Variants in MTOR observed in about 807,000 individuals in gnomAD.
The protein encoded by MTOR is mechanistic target of rapamycin kinase.
A neutral mutation model predicts 319.8 loss-of-function variants in MTOR; 70 were observed. That is an observed-to-expected ratio of 0.22 (90% CI 0.18 to 0.27). MTOR has a LOEUF of 0.27. MTOR is among the 10% of genes least tolerant of loss of function. The pLI is 1.00. For synonymous variants in MTOR, 1,183 were observed against 1,211.4 expected (o/e 0.98, Z 0.49); for missense variants, 1,890 against 3,274.4 (o/e 0.58, Z 10.32).
intron 28 of MTOR, among the ~76,000 whole-genome samples, chr1:11,186,857 G>A (rs551939971): frequency 6.6e-6 from 1 of 152,130 alleles, no homozygotes; most frequent in African/African-American, 2.4e-5. Flanking sequence ...AAACTGGAGG[G>A]GGGGTGAGTA....
At chr1:11,170,501 A>C (rs1278528423) in intron 28 of MTOR, among the ~76,000 whole-genome samples, 1 of 151,912 alleles carries the variant, frequency 6.6e-6, no homozygotes, top group Non-Finnish European at 1.5e-5. Context: ...GGATTGCTTG[A>C]GCTCAGGAGT....
chr1:11,205,842 A>G (rs1646120138), intron 25 of MTOR, among the ~76,000 whole-genome samples: 1 of 152,254 alleles, frequency 6.6e-6, no homozygotes, highest in African/African-American at 2.4e-5. Context: ...GGGGGAAATC[A>G]TGTAAGACAG....
chr1:11,220,061 G>GAAAAAAAAAAA (rs1214418546), intron 19 of MTOR, among the ~76,000 whole-genome samples: 1 of 21,704 alleles, frequency 4.6e-5, no homozygotes, highest in South Asian at 1.6e-3. Flanking sequence ...GAAAAGAAAA[G>GAAAAAAAAAAA]AAAGAAAAAA....
At chr1:11,192,777 C>G (rs1571124117) in intron 28 of MTOR, among the ~76,000 whole-genome samples, 1 of 145,730 alleles carries the variant, frequency 6.9e-6, no homozygotes, top group Admixed American at 6.9e-5. Flanking sequence ...AAGGAAAACT[C>G]AAACACAAGC....
rs1641614990 is a variant in MTOR at position 11,107,088 on chromosome 1, T to C, written c.*397A>G. 1.5e-6 allele frequency: 2 copies of C among 1,373,880 alleles called. No individual in the cohort carries two copies. The highest frequency in any genetic ancestry group is 1.2e-5 in the South Asian group (1 of 81,758). 85.1% of individuals were successfully genotyped at this position (1,373,880 alleles called of 1,614,324 possible). On this transcript the variant is annotated 3_prime_UTR_variant, in exon 58 of 58. Coordinates refer to ENST00000361445, the MANE Select transcript of MTOR (RefSeq NM_004958.4). The stretch of plus-strand genomic sequence containing the variant: ...TCTCCACGACCTGAGGCTTCTTGGC[T>C]GTGCTGAGTTTGCTGTACCCATGTT...
chr1:11,187,507 G>A (rs920056502), intron 28 of MTOR, among the ~76,000 whole-genome samples: 9 of 152,234 alleles, frequency 5.9e-5, no homozygotes, highest in East Asian at 1.9e-4. Context: ...GAGCTCAGGC[G>A]GTAATGCTCA....
At chr1:11,209,051 G>GCAACAA (rs1256838816) in intron 25 of MTOR, among the ~76,000 whole-genome samples, 1 of 152,190 alleles carries the variant, frequency 6.6e-6, no homozygotes, top group Non-Finnish European at 1.5e-5. Flanking sequence ...AAATGAGAAT[G>GCAACAA]TATTTGCAAC....
At chr1:11,132,848 T>A (rs1643225518) in intron 38 of MTOR, 1 of 491,262 alleles carries the variant, frequency 2.0e-6, no homozygotes, top group Admixed American at 3.6e-5. Context: ...CAACACCACA[T>A]ACACATAATA....
intron 20 of MTOR, among the ~76,000 whole-genome samples, chr1:11,213,922 T>C (rs1646390204): frequency 6.6e-6 from 1 of 152,234 alleles, no homozygotes; most frequent in Admixed American, 6.5e-5. Flanking sequence ...CCTTCCATGA[T>C]CCACTTGGGT....
At chr1:11,217,719 C>A (rs1646519029) in intron 19 of MTOR, among the ~76,000 whole-genome samples, 1 of 151,806 alleles carries the variant, frequency 6.6e-6, no homozygotes, top group Non-Finnish European at 1.5e-5. Context: ...CCCCCTTCCC[C>A]AAATTTTTAC....
In MTOR at chr1:11,133,880, A is replaced by C. The variant is rs991706577; in HGVS notation, c.5246+471T>G. On this transcript the variant is annotated intron_variant, in intron 37 of 57. Transcript: ENST00000361445. The surrounding 1 kb of genome is among the most constrained non-coding windows in gnomAD (Gnocchi z 4.0). The stretch of plus-strand genomic sequence containing the variant: ...TTTGAGACCAGCCTGGGCAACATTA[A>C]ACTTGTAGGAGGAAATGCAGGCTCT... Among the ~76,000 whole-genome samples the C allele has an allele frequency of 1.3e-5, 2 of 152,078 alleles. No individual in the cohort carries two copies. The highest frequency in any genetic ancestry group is 1.3e-4 in the Admixed American group (2 of 15,268).
At chr1:11,151,474 G>T (rs1347451772) in intron 30 of MTOR, among the ~76,000 whole-genome samples, 5 of 151,770 alleles carry the variant, frequency 3.3e-5, no homozygotes, top group African/African-American at 1.2e-4. Flanking sequence ...GCCCTGCTAG[G>T]GGTTCCCTTA....
chr1:11,235,358 C>T (rs921265897), intron 13 of MTOR, among the ~76,000 whole-genome samples: 22 of 152,260 alleles, frequency 1.4e-4, no homozygotes, highest in Admixed American at 9.8e-4. Flanking sequence ...GTGGCTCATG[C>T]CTGTAATCCC....
rs59546882 is a variant in MTOR, at chr1:11,227,297, CAAAA to C, written c.3030+1367_3030+1370del. On this transcript the variant is annotated intron_variant, in intron 19 of 57. Transcript: ENST00000361445. Reference sequence around the variant, plus strand: ...TGGGCAACAAAGTGAGACTTTGTCTCAAAAAAAAAAAAAAAAAAAAAAAAAAAAA... The same window carrying C: ...TGGGCAACAAAGTGAGACTTTGTCTCAAAAAAAAAAAAAAAAAAAAAAAAA... 5.4e-5 allele frequency among the ~76,000 whole-genome samples: 4 copies of C among 74,016 alleles called. No homozygotes were observed. In the South Asian group the frequency reaches 1.4e-3, roughly 25 times the overall value. 48.6% of individuals were successfully genotyped at this position (74,016 alleles called of 152,430 possible). A position where few individuals can be genotyped will look rare whatever the true frequency, so the allele number is the denominator to read the frequency against.
rs774868805 is a variant in MTOR at position 11,139,595 on chromosome 1, G to T, written c.4936C>A (p.Pro1646Thr). The T allele has an allele frequency of 1.9e-6, 3 of 1,614,048 alleles. No individual in the cohort carries two copies. In the African/African-American group the frequency reaches 4.0e-5, roughly 22 times the overall value. The change falls in exon 35 of 58, where the codon CCT becomes ACT. Residue 1646 changes from proline (P) to threonine (T), a missense_variant. Coordinates refer to ENST00000361445, the MANE Select transcript of MTOR (RefSeq NM_004958.4). Reference sequence around the variant, plus strand: ...AGCCAGGTTCTCATGTCTTCATGAGGGCTGACCACAAGGGACCGCACCATA... The same window carrying T: ...AGCCAGGTTCTCATGTCTTCATGAGTGCTGACCACAAGGGACCGCACCATA... ...ILMVRSLVVS[P>T]HEDMRTWLKY...
In MTOR at chr1:11,127,502, G is replaced by T; in HGVS notation, c.6216+122C>A. On this transcript the variant is annotated intron_variant, in intron 44 of 57. Coordinates refer to ENST00000361445, the MANE Select transcript of MTOR (RefSeq NM_004958.4). This position sits in a 1 kb window ranked among gnomAD's most constrained non-coding sequence, Gnocchi z 5.5. ...AGTCAGTGGAAAGGCCAGAGGAAAA[G>T]AAATCTGACAAAGGCCTTGGGTCAC... 1 of 1,204,656 alleles carries T rather than the reference G, an allele frequency of 8.3e-7. No individual in the cohort carries two copies. Among genetic ancestry groups the T allele is most frequent in the Non-Finnish European group, 1.1e-6 (1 of 875,278 alleles). 74.6% of individuals were successfully genotyped at this position (1,204,656 alleles called of 1,614,324 possible).
intron 2 of MTOR, among the ~76,000 whole-genome samples, chr1:11,258,839 T>C (rs1241210452): frequency 6.6e-6 from 1 of 152,168 alleles, no homozygotes; most frequent in Non-Finnish European, 1.5e-5. Context: ...CTAGGTTCTT[T>C]CTAGTACCAG....
At chr1:11,234,900 T>C (rs1264342645) in intron 13 of MTOR, among the ~76,000 whole-genome samples, 12 of 152,110 alleles carry the variant, frequency 7.9e-5, no homozygotes, top group Admixed American at 4.6e-4. Flanking sequence ...CATGGTGACA[T>C]AGACAGCATA....
chr1:11,216,053 A>G, intron 20 of MTOR, 95 bp downstream of exon 20: 1 of 839,656 alleles, frequency 1.2e-6, no homozygotes, highest in Non-Finnish European at 1.9e-6. Context: ...CAGCTCTACA[A>G]AGATCCGTGA....
Sources: gnomAD v4.1 joint callset for allele counts (sites outside exome capture counted in the v4.1 genomes callset) on GRCh38, gnomAD v4.1.1 for gene constraint, Gnocchi (gnomAD v3.1) non-coding constraint, MANE v1.5 for transcripts, NCBI Gene and HGNC (gene_info 2026-07-23, HGNC 2026-07-21) for gene names.